The following VGLL4 variants were observed in gnomAD, a reference collection of about 807,000 sequenced individuals.
VGLL4 encodes the protein vestigial like family member 4.
In VGLL4, 7 loss-of-function variants were observed where a neutral mutation model predicts 21.0. That is an observed-to-expected ratio of 0.33 (90% CI 0.19 to 0.63). The LOEUF (loss-of-function observed/expected upper bound fraction) is 0.63, where lower values mean the gene tolerates loss of function less well. Among genes scored for constraint, VGLL4 ranks in the 20% least tolerant of loss-of-function variants. The pLI, the probability that VGLL4 is intolerant of heterozygous loss-of-function variation, is 0.78. For missense variants in VGLL4, 394 were observed against 425.7 expected, an observed-to-expected ratio of 0.93 and a Z score of 0.66; for synonymous variants, 222 against 173.2, an observed-to-expected ratio of 1.28 and a Z score of -2.21.
chr3:11,606,387 C>T (rs1482405797), intron 1 of VGLL4, among the ~76,000 whole-genome samples: 2 of 152,194 alleles, frequency 1.3e-5, no homozygotes, highest in African/African-American at 4.8e-5. Context: ...AGAGATACCA[C>T]TAACACCTGT....
At chr3:11,635,867 C>A (rs1257110545) in intron 1 of VGLL4, among the ~76,000 whole-genome samples, 2 of 152,162 alleles carry the variant, frequency 1.3e-5, no homozygotes, top group Admixed American at 6.5e-5. Flanking sequence ...GCTGCTATTA[C>A]ATATTCCTTA....
At chr3:11,692,894 C>A (rs1185629659) in intron 2 of VGLL4, among the ~76,000 whole-genome samples, 1 of 152,120 alleles carries the variant, frequency 6.6e-6, no homozygotes, top group Admixed American at 6.5e-5. Flanking sequence ...ATAGGCCAGG[C>A]GCAGGGTCTC....
chr3:11,584,322 G>A (rs575376425), intron 2 of VGLL4, among the ~76,000 whole-genome samples: 2 of 152,008 alleles, frequency 1.3e-5, no homozygotes, highest in South Asian at 2.1e-4. Flanking sequence ...CATCATTCAA[G>A]TTCTCTAGTA....
intron 1 of VGLL4, among the ~76,000 whole-genome samples, chr3:11,627,679 A>C (rs1207097996): frequency 6.6e-6 from 1 of 152,048 alleles, no homozygotes; most frequent in African/African-American, 2.4e-5. Flanking sequence ...TTCCAAGGTA[A>C]CTATTACTTA....
At chr3:11,669,238 C>T (rs997861019) in intron 2 of VGLL4, among the ~76,000 whole-genome samples, 1 of 152,072 alleles carries the variant, frequency 6.6e-6, no homozygotes, top group African/African-American at 2.4e-5. Context: ...TTTAAATTTT[C>T]CTCTAAAGCC....
At chr3:11,666,356 G>A (rs1185528666) in intron 2 of VGLL4, among the ~76,000 whole-genome samples, 1 of 152,174 alleles carries the variant, frequency 6.6e-6, no homozygotes, top group Non-Finnish European at 1.5e-5. Flanking sequence ...AAGAGCCACA[G>A]TTCTTATCTC....
chr3:11,577,368 G>A (rs541741570), intron 2 of VGLL4, among the ~76,000 whole-genome samples: 4 of 152,226 alleles, frequency 2.6e-5, no homozygotes, highest in South Asian at 2.1e-4. Flanking sequence ...AGGCTGAGGC[G>A]GGCAGATCAC....
chr3:11,617,131 G>A (rs962761308), intron 1 of VGLL4, among the ~76,000 whole-genome samples: 3 of 152,094 alleles, frequency 2.0e-5, no homozygotes, highest in African/African-American at 7.2e-5. Flanking sequence ...ATATGAGGGA[G>A]ACAATAATTC....
chr3:11,646,527 G>C (rs778633238), upstream of VGLL4, among the ~76,000 whole-genome samples: 4 of 151,298 alleles, frequency 2.6e-5, no homozygotes, highest in Non-Finnish European at 5.9e-5. Context: ...TGCAGTCAAG[G>C]TTGAGAACCA....
intron 2 of VGLL4, among the ~76,000 whole-genome samples, chr3:11,596,294 T>A (rs1229075905): frequency 3.3e-5 from 5 of 152,148 alleles, no homozygotes; most frequent in Non-Finnish European, 7.4e-5. Context: ...AATACAACAA[T>A]ACTGAGGAGA....
At chr3:11,574,913 C>A (rs2073990794) in intron 2 of VGLL4, among the ~76,000 whole-genome samples, 2 of 151,646 alleles carry the variant, frequency 1.3e-5, no homozygotes, top group Non-Finnish European at 2.9e-5. Flanking sequence ...ATCTTATGCG[C>A]CTACATACAA....
chr3:11,679,952 C>T (rs2076347153), intron 2 of VGLL4, among the ~76,000 whole-genome samples: 1 of 152,198 alleles, frequency 6.6e-6, no homozygotes, highest in Admixed American at 6.5e-5. Flanking sequence ...CTCCCATTCA[C>T]TCACCACTCA....
intron 2 of VGLL4, among the ~76,000 whole-genome samples, chr3:11,676,967 G>A (rs2076300143): frequency 1.3e-5 from 2 of 152,110 alleles, no homozygotes; most frequent in African/African-American, 4.8e-5. Context: ...TAAAAGTCAT[G>A]CGTAATTCTA....
intron 2 of VGLL4, among the ~76,000 whole-genome samples, chr3:11,670,964 G>A (rs974373456): frequency 6.6e-6 from 1 of 152,196 alleles, no homozygotes; most frequent in African/African-American, 2.4e-5. Context: ...TTGAACCCAG[G>A]AGGCAGAGGT....
intron 2 of VGLL4, among the ~76,000 whole-genome samples, chr3:11,577,656 A>G (rs1485779353): frequency 6.6e-6 from 1 of 152,178 alleles, no homozygotes; most frequent in East Asian, 1.9e-4. Context: ...ACTTCACACT[A>G]AAATGGTTTT....
chr3:11,601,532 T>C (rs1433839185), intron 2 of VGLL4, among the ~76,000 whole-genome samples: 1 of 152,204 alleles, frequency 6.6e-6, no homozygotes, highest in Non-Finnish European at 1.5e-5. Context: ...AAGCGAAGCT[T>C]AGCAGATGAC....
chr3:11,695,459 A>G (rs1018407444), intron 2 of VGLL4, among the ~76,000 whole-genome samples: 3 of 152,264 alleles, frequency 2.0e-5, no homozygotes, highest in African/African-American at 7.2e-5. Flanking sequence ...ATATATACAT[A>G]CCTATGTGTG....
chr3:11,644,508 G>T (rs1023660131), upstream of VGLL4, among the ~76,000 whole-genome samples: 1 of 152,074 alleles, frequency 6.6e-6, no homozygotes, highest in Non-Finnish European at 1.5e-5. Context: ...CCCCAAAATA[G>T]TTGACAGAAC....
chr3:11,630,196 T>C (rs1018417658), intron 1 of VGLL4, among the ~76,000 whole-genome samples: 5 of 152,162 alleles, frequency 3.3e-5, no homozygotes, highest in African/African-American at 9.7e-5. Flanking sequence ...ACGGAATATA[T>C]CTTTTTTTCA....
Sources: gnomAD v4.1 joint callset for allele counts (sites outside exome capture counted in the v4.1 genomes callset) on GRCh38, gnomAD v4.1.1 for gene constraint, MANE v1.5 for transcripts, NCBI Gene and HGNC (gene_info 2026-07-23, HGNC 2026-07-21) for gene names.